MAGI2: variants seen among roughly 807,000 people sequenced by gnomAD.
MAGI2 encodes the protein membrane-associated guanylate kinase, WW and PDZ domain-containing protein 2.
A neutral mutation model predicts 133.3 loss-of-function variants in MAGI2; 35 were observed. The ratio of observed to expected loss-of-function variants is 0.26; its 90% CI spans 0.20 to 0.35. The LOEUF is 0.35. Ranked by LOEUF, MAGI2 falls within the 10% of genes least tolerant of loss-of-function variation. The pLI is 1.00. For missense variants in MAGI2, 1,636 were observed against 1,863.4 expected, an observed-to-expected ratio of 0.88 and a Z score of 2.25; for synonymous variants, 729 against 710.6, an observed-to-expected ratio of 1.03 and a Z score of -0.41.
chr7:79,193,300 T>C (rs1031222498), intron 1 of MAGI2, among the ~76,000 whole-genome samples: 2 of 152,036 alleles, frequency 1.3e-5, no homozygotes, highest in Non-Finnish European at 2.9e-5. Context: ...AAGGGAAAGA[T>C]AGGGCAACCC....
intron 1 of MAGI2, among the ~76,000 whole-genome samples, chr7:79,433,854 A>G (rs1187164208): frequency 6.6e-6 from 1 of 152,170 alleles, no homozygotes; most frequent in African/African-American, 2.4e-5. Context: ...TCAAAATATC[A>G]AGTATAACAA....
Position 79,123,815 on chromosome 7 carries a change from C to T in MAGI2, c.302-116609G>A, listed in dbSNP as rs1353485711. Among the ~76,000 whole-genome samples, 3 of 136,920 alleles carry T rather than the reference C, an allele frequency of 2.2e-5. No homozygotes were observed. In the East Asian group the frequency reaches 6.6e-4, roughly 30 times the overall value. 89.8% of individuals were successfully genotyped at this position (136,920 alleles called of 152,430 possible). ...AAAAAAAAAAAAAAAAAAGAGATAA[C>T]GCACATCAAGTGCTTATTTCATCAT... is the stretch of plus-strand genomic sequence containing the variant. On this transcript the variant is annotated intron_variant, in intron 1 of 21. Coordinates refer to ENST00000354212, the MANE Select transcript of MAGI2 (RefSeq NM_012301.4).
chr7:79,440,795 A>G (rs1219663709), intron 1 of MAGI2, among the ~76,000 whole-genome samples: 1 of 152,200 alleles, frequency 6.6e-6, no homozygotes, highest in Non-Finnish European at 1.5e-5. Context: ...AGGAGTCCAG[A>G]GATAGTGCTA....
chr7:78,057,861 G>C (rs922255016), intron 21 of MAGI2, among the ~76,000 whole-genome samples: 1 of 151,344 alleles, frequency 6.6e-6, no homozygotes, highest in Admixed American at 6.6e-5. Context: ...GATATTGACT[G>C]CTGTATGCCC....
chr7:78,402,395 T>C (rs960886461), intron 6 of MAGI2, among the ~76,000 whole-genome samples: 4 of 151,496 alleles, frequency 2.6e-5, no homozygotes, highest in Admixed American at 6.6e-5. Flanking sequence ...TGTGTGTGTG[T>C]CCACCTGGGG....
rs1554346587 is a variant in MAGI2, at chr7:78,328,532, C to CCCCCT, written c.1408+15245_1408+15246insAGGGG. ...ACACACACACACACACACACACACC[C>CCCCCT]CTCTCTCTCTCTCTCTTACTTTATT... On this transcript the variant is annotated intron_variant, in intron 9 of 21. Transcript: ENST00000354212. Among the ~76,000 whole-genome samples, 150 of 133,798 alleles carry CCCCCT rather than the reference C, an allele frequency of 1.1e-3. 2 individuals carry two copies. Among genetic ancestry groups the CCCCCT allele is most frequent in the Non-Finnish European group, 2.0e-3 (123 of 62,940 alleles). The allele number at this position is 133,798 out of a possible 152,430, so 87.8% of individuals were successfully genotyped here. A position where few individuals can be genotyped will look rare whatever the true frequency, so the allele number is the denominator to read the frequency against.
chr7:79,199,598 A>C (rs1828406976), intron 1 of MAGI2, among the ~76,000 whole-genome samples: 1 of 152,094 alleles, frequency 6.6e-6, no homozygotes, highest in Non-Finnish European at 1.5e-5. Flanking sequence ...CCTGTATTAA[A>C]TAAAGTAAGT....
chr7:78,206,267 G>A (rs543372927), intron 10 of MAGI2, among the ~76,000 whole-genome samples: 9 of 150,920 alleles, frequency 6.0e-5, no homozygotes, highest in African/African-American at 2.2e-4. Flanking sequence ...ATAACACCAA[G>A]ACAACTTTTC....
intron 2 of MAGI2, among the ~76,000 whole-genome samples, chr7:78,724,361 T>C (rs10229438): frequency 0.069 from 10,467 of 152,132 alleles, 444 homozygotes; most frequent in African/African-American, 0.092. Flanking sequence ...GGGTTTCAAA[T>C]GAGAGAGTCA....
chr7:78,263,416 A>G (rs964641195), intron 9 of MAGI2, among the ~76,000 whole-genome samples: 4 of 152,140 alleles, frequency 2.6e-5, no homozygotes, highest in African/African-American at 9.7e-5. Flanking sequence ...GATTCTTACC[A>G]TCTATTGTAT....
chr7:79,116,218 C>G (rs1262356859), intron 1 of MAGI2, among the ~76,000 whole-genome samples: 1 of 152,138 alleles, frequency 6.6e-6, no homozygotes, highest in Non-Finnish European at 1.5e-5. Flanking sequence ...CTTCTCTTTT[C>G]TTTCTTACAA....
chr7:79,200,177 T>A (rs910567128), intron 1 of MAGI2, among the ~76,000 whole-genome samples: 1 of 151,978 alleles, frequency 6.6e-6, no homozygotes, highest in African/African-American at 2.4e-5. Context: ...TTTGAGTTAA[T>A]CCTGTTTAAA....
chr7:78,691,905 T>G (rs201727054), intron 2 of MAGI2, among the ~76,000 whole-genome samples: 2 of 152,164 alleles, frequency 1.3e-5, no homozygotes, highest in East Asian at 3.8e-4. Context: ...CTATGGACTT[T>G]AAGTGATAAT....
chr7:79,178,386 A>G lies in MAGI2; in HGVS notation c.302-171180T>C, dbSNP rs1826304804. Reference sequence around the variant, plus strand: ...GATATTCGATAGATATGTCCCTATGAAAGAGTGGAAAATAGGTTTATATAA... The same window carrying G: ...GATATTCGATAGATATGTCCCTATGGAAGAGTGGAAAATAGGTTTATATAA... On this transcript the variant is annotated intron_variant, in intron 1 of 21. Transcript: ENST00000354212. Among the ~76,000 whole-genome samples the G allele has an allele frequency of 2.0e-5, 3 of 152,020 alleles. 1 individual carries two copies. Among genetic ancestry groups the G allele is most frequent in the African/African-American group, 7.3e-5 (3 of 41,316 alleles).
intron 1 of MAGI2, among the ~76,000 whole-genome samples, chr7:79,307,422 G>C (rs763787471): frequency 1.2e-4 from 18 of 152,188 alleles, no homozygotes; most frequent in Non-Finnish European, 1.9e-4. Flanking sequence ...TATGGATTAA[G>C]TGAGAGGCTT....
At chr7:78,474,292 T>C (rs1791523877) in intron 6 of MAGI2, among the ~76,000 whole-genome samples, 1 of 151,970 alleles carries the variant, frequency 6.6e-6, no homozygotes, top group Admixed American at 6.6e-5. Context: ...AGTTGCAAGT[T>C]GTGTAAAGAC....
chr7:78,056,883 C>T (rs1812633810), intron 21 of MAGI2, among the ~76,000 whole-genome samples: 1 of 152,064 alleles, frequency 6.6e-6, no homozygotes, highest in African/African-American at 2.4e-5. Context: ...CACACACATC[C>T]CTCCCACATT....
At chr7:78,260,108 A>T (rs1447430221) in intron 9 of MAGI2, among the ~76,000 whole-genome samples, 2 of 152,154 alleles carry the variant, frequency 1.3e-5, no homozygotes, top group Admixed American at 6.6e-5. Context: ...ACTTGATGGT[A>T]CTCAACTGCC....
At chr7:78,443,909 T>C (rs565613742) in intron 6 of MAGI2, among the ~76,000 whole-genome samples, 1 of 152,190 alleles carries the variant, frequency 6.6e-6, no homozygotes, top group South Asian at 2.1e-4. Flanking sequence ...GTAATATATA[T>C]ATAGAAGGAG....
Sources: gnomAD v4.1 joint callset for allele counts (sites outside exome capture counted in the v4.1 genomes callset) on GRCh38, gnomAD v4.1.1 for gene constraint, MANE v1.5 for transcripts, NCBI Gene and HGNC (gene_info 2026-07-23, HGNC 2026-07-21) for gene names.